MARS1: variants seen among roughly 807,000 people sequenced by gnomAD.
The protein encoded by MARS1 is methionine--tRNA ligase, cytoplasmic.
In MARS1, 80 loss-of-function variants were observed where a neutral mutation model predicts 119.5. The ratio of observed to expected loss-of-function variants is 0.67; its 90% CI spans 0.56 to 0.81. MARS1 has a LOEUF of 0.81. Among genes scored for constraint, MARS1 ranks in the 30% least tolerant of loss-of-function variants. MARS1 has a pLI of 0.00. For missense variants in MARS1, 945 were observed against 1,116.5 expected (o/e 0.85, Z 2.19); for synonymous variants, 418 against 433.4 (o/e 0.96, Z 0.44).
intron 4 of MARS1, 85 bp downstream of exon 4, chr12:57,489,643 C>A: frequency 6.5e-7 from 1 of 1,536,646 alleles, no homozygotes; most frequent in Non-Finnish European, 8.9e-7. Context: ...TGTTCGAACC[C>A]AACACTGCCA....
rs745605073 is a variant in MARS1 at position 57,515,209 on chromosome 12, T to C, written c.2264T>C (p.Met755Thr). Residue 755 changes from methionine (M) to threonine (T), a missense_variant, in exon 18 of 21, where the codon ATG becomes ACG. By Grantham distance (81) the Met-to-Thr change is moderately conservative. Coordinates refer to ENST00000262027, the MANE Select transcript of MARS1 (RefSeq NM_004990.4). ...AVNIAALLSVMLQPYMPTVSA... is the reference protein window; with the variant it reads ...AVNIAALLSVTLQPYMPTVSA... ...AATATAGCTGCCTTGCTCTCTGTCA[T>C]GCTTCAGCCTTACATGCCCACGGTT... The C allele has an allele frequency of 6.2e-6, 10 of 1,614,106 alleles. No individual in the cohort carries two copies. The highest frequency in any genetic ancestry group is 8.5e-6 in the Non-Finnish European group (10 of 1,180,042).
intron 10 of MARS1, among the ~76,000 whole-genome samples, chr12:57,502,349 C>T (rs1876954813): frequency 6.6e-6 from 1 of 151,986 alleles, no homozygotes; most frequent in Non-Finnish European, 1.5e-5. Flanking sequence ...GGATATTAGG[C>T]ATATGGAGTT....
Position 57,512,253 on chromosome 12 carries a change from C to A in MARS1, c.1653C>A (p.Phe551Leu). 6.2e-7 allele frequency: 1 copy of A among 1,614,080 alleles called. No homozygotes were observed. The highest frequency in any genetic ancestry group is 8.5e-7 in the Non-Finnish European group (1 of 1,179,946). ...KNPEQVDLYQ[F>L]MAKDNVPFHS... The stretch of plus-strand genomic sequence containing the variant: ...TCCCCTAGGTGGACCTGTATCAGTT[C>A]ATGGCCAAAGACAATGTTCCTTTCC... Residue 551 changes from phenylalanine to leucine, a missense_variant, in exon 14 of 21, where the codon TTC becomes TTA. Transcript: ENST00000262027.
intron 10 of MARS1, among the ~76,000 whole-genome samples, chr12:57,503,548 TC>T (rs1025971960): frequency 2.6e-5 from 4 of 150,952 alleles, no homozygotes; most frequent in African/African-American, 9.7e-5. Context: ...TGTGTCTTTT[TC>T]CTTTTTTTTT....
At chr12:57,491,409 C>G (rs967751587) in intron 7 of MARS1, among the ~76,000 whole-genome samples, 1 of 152,202 alleles carries the variant, frequency 6.6e-6, no homozygotes, top group African/African-American at 2.4e-5. Flanking sequence ...ACCTAAAAAT[C>G]CAAGCCAGAA....
At chr12:57,509,127 T>C (rs1259609351) in intron 11 of MARS1, among the ~76,000 whole-genome samples, 1 of 152,244 alleles carries the variant, frequency 6.6e-6, no homozygotes, top group East Asian at 1.9e-4. Context: ...TATTTTCATG[T>C]TCAAATTGTT....
intron 15 of MARS1, among the ~76,000 whole-genome samples, chr12:57,514,069 A>C (rs896948372): frequency 6.6e-6 from 1 of 150,976 alleles, no homozygotes; most frequent in Non-Finnish European, 1.5e-5. Flanking sequence ...CAAAAAAAAA[A>C]AAAATTAAAA....
At chr12:57,507,175 T>C (rs1437095589) in intron 11 of MARS1, among the ~76,000 whole-genome samples, 5 of 152,112 alleles carry the variant, frequency 3.3e-5, no homozygotes, top group Non-Finnish European at 5.9e-5. Context: ...GGGGTAAGGT[T>C]ATAGATCAAC....
chr12:57,516,040 A>G (rs1372013732), intron 19 of MARS1, 49 bp downstream of exon 19: 10 of 1,580,496 alleles, frequency 6.3e-6, no homozygotes, highest in East Asian at 2.2e-5. Context: ...CCACAGCATC[A>G]CTTCCCTAAT....
rs1370934348 is a variant in MARS1, at chr12:57,516,446, C to G, written c.2568C>G (p.Val856=). 6.2e-7 allele frequency: 1 copy of G among 1,613,062 alleles called. No homozygotes were observed. The highest frequency in any genetic ancestry group is 1.3e-5 in the African/African-American group (1 of 74,808). ...MDEVTKQGNI[V]RELKAQKADK... is the part of the protein sequence containing the mutation. The stretch of plus-strand genomic sequence containing the variant: ...CCCCTTTATCTTAGGGAAACATTGT[C>G]CGAGAACTGAAAGCACAAAAGGCAG... The change falls in exon 21 of 21, where the codon GTC becomes GTG. Residue 856 remains valine, a synonymous_variant. Coordinates refer to ENST00000262027, the MANE Select transcript of MARS1 (RefSeq NM_004990.4).
chr12:57,488,382 T>C, intron 1 of MARS1, 183 bp downstream of exon 1: 1 of 716,632 alleles, frequency 1.4e-6, no homozygotes, highest in Non-Finnish European at 2.3e-6. Flanking sequence ...CTTCCTTTAA[T>C]TACCCTCAAT....
intron 18 of MARS1, 69 bp downstream of exon 18, chr12:57,515,405 A>ATGTT: frequency 2.1e-6 from 3 of 1,453,166 alleles, no homozygotes; most frequent in Non-Finnish European, 2.8e-6. Context: ...TGGGTGAGAG[A>ATGTT]AGACCTAACA....
intron 1 of MARS1, chr12:57,488,543 C>T: frequency 6.5e-7 from 1 of 1,540,974 alleles, no homozygotes; most frequent in Non-Finnish European, 8.8e-7. Context: ...AGCCCCCAGG[C>T]ACCCTTTTGT....
chr12:57,488,544 A>C, intron 1 of MARS1: 1 of 1,541,642 alleles, frequency 6.5e-7, no homozygotes, highest in African/African-American at 1.4e-5. Flanking sequence ...GCCCCCAGGC[A>C]CCCTTTTGTG....
rs534934557 is a variant in MARS1 at position 57,501,374 on chromosome 12, G to A, written c.1293+852G>A. 3.3e-5 allele frequency among the ~76,000 whole-genome samples: 5 copies of A among 152,312 alleles called. No individual in the cohort carries two copies. In the South Asian group the frequency reaches 1.0e-3, roughly 32 times the overall value. ...CTGCTCTGTGGAAAATGGATGGCAG[G>A]GAAGCAAGAAATAAAGTATGTTGAA... On this transcript the variant is annotated intron_variant, in intron 10 of 20. Coordinates refer to ENST00000262027, the MANE Select transcript of MARS1 (RefSeq NM_004990.4).
At chr12:57,495,443 G>C (rs1423456501) in intron 7 of MARS1, among the ~76,000 whole-genome samples, 1 of 151,924 alleles carries the variant, frequency 6.6e-6, no homozygotes, top group Non-Finnish European at 1.5e-5. Context: ...TCAGACCATG[G>C]GCGGCCAGGC....
rs151196994 is a variant in MARS1 at position 57,489,496 on chromosome 12, C to G, written c.352C>G (p.Arg118Gly). Residue 118 changes from arginine to glycine, a missense_variant, in exon 4 of 21, where the codon CGG becomes GGG. By Grantham distance (125) the Arg-to-Gly change is moderately radical (BLOSUM62 -2). Transcript: ENST00000262027. ...GGGGGAAGATGTTCTTGGTTCAGTG[C>G]GGAGAGCCCTGACTCACATTGACCA... Reference protein sequence around the residue: ...KKGEDVLGSVRRALTHIDHSL... With the variant: ...KKGEDVLGSVGRALTHIDHSL... The G allele has an allele frequency of 4.3e-6, 7 of 1,614,010 alleles. No homozygotes were observed. The highest frequency in any genetic ancestry group is 4.2e-6 in the Non-Finnish European group (5 of 1,180,036).
chr12:57,488,295 C>G, intron 1 of MARS1, 96 bp downstream of exon 1: 2 of 1,136,132 alleles, frequency 1.8e-6, no homozygotes. Flanking sequence ...CTAGCCCTCG[C>G]CACACACCCC....
intron 10 of MARS1, among the ~76,000 whole-genome samples, chr12:57,502,632 G>C (rs1876970236): frequency 6.6e-6 from 1 of 151,036 alleles, no homozygotes; most frequent in Non-Finnish European, 1.5e-5. Flanking sequence ...CTTGAACCTG[G>C]GAGGTGGAGG....
Sources: allele counts gnomAD v4.1 joint callset (sites outside exome capture counted in the v4.1 genomes callset), GRCh38; gene constraint gnomAD v4.1.1; transcripts MANE v1.5; gene names NCBI Gene and HGNC (gene_info 2026-07-23, HGNC 2026-07-21).